ITFG1: variants seen among roughly 807,000 people sequenced by gnomAD.
ITFG1 encodes T-cell immunomodulatory protein.
Under a neutral mutation model 81.8 loss-of-function variants are expected in ITFG1, and 34 were observed. That is an observed-to-expected ratio of 0.42 (90% CI 0.32 to 0.55). ITFG1 has a LOEUF of 0.55. Among genes scored for constraint, ITFG1 ranks in the 20% least tolerant of loss-of-function variants. The pLI is 0.17. For missense variants in ITFG1, 672 were observed against 755.4 expected, an observed-to-expected ratio of 0.89 and a Z score of 1.29; for synonymous variants, 285 against 270.6, an observed-to-expected ratio of 1.05 and a Z score of -0.52.
At chr16:47,371,450 C>T (rs1968252775) in intron 7 of ITFG1, among the ~76,000 whole-genome samples, 1 of 152,166 alleles carries the variant, frequency 6.6e-6, no homozygotes, top group Admixed American at 6.5e-5. Context: ...AGTTAACCCA[C>T]ACCTGTTGAC....
At chr16:47,282,100 A>G (rs907277951) in intron 10 of ITFG1, among the ~76,000 whole-genome samples, 1 of 151,414 alleles carries the variant, frequency 6.6e-6, no homozygotes, top group African/African-American at 2.4e-5. Flanking sequence ...CCTCATGGGT[A>G]CAATATATCC....
chr16:47,296,727 C>T (rs530381317), intron 10 of ITFG1, among the ~76,000 whole-genome samples: 3 of 152,290 alleles, frequency 2.0e-5, no homozygotes, highest in Admixed American at 6.5e-5. Context: ...TGGGCCACCG[C>T]GCCTGGCTAT....
chr16:47,193,250 A>C (rs1965315105), intron 14 of ITFG1, among the ~76,000 whole-genome samples: 1 of 151,148 alleles, frequency 6.6e-6, no homozygotes, highest in Non-Finnish European at 1.5e-5. Context: ...CTAGGCCTGC[A>C]GAGGTTAAAA....
chr16:47,286,358 G>A (rs995599316), intron 10 of ITFG1, among the ~76,000 whole-genome samples: 3 of 152,130 alleles, frequency 2.0e-5, no homozygotes, highest in African/African-American at 7.2e-5. Flanking sequence ...AATTGCCAGA[G>A]GCTGGGCGCG....
chr16:47,433,792 T>C lies in ITFG1; in HGVS notation c.561-4894A>G, dbSNP rs1007259902. Among the ~76,000 whole-genome samples the C allele has an allele frequency of 1.6e-3, 218 of 135,622 alleles. 1 individual carries two copies. Among genetic ancestry groups the C allele is most frequent in the East Asian group, 4.7e-3 (23 of 4,866 alleles). 89.0% of individuals were successfully genotyped at this position (135,622 alleles called of 152,430 possible). Reference sequence around the variant, plus strand: ...CTGAATATATATATATATATATATATACACACACACACATACACACACGTA... The same window carrying C: ...CTGAATATATATATATATATATATACACACACACACACATACACACACGTA... On this transcript the variant is annotated intron_variant, in intron 5 of 17. Coordinates refer to ENST00000320640, the MANE Select transcript of ITFG1 (RefSeq NM_030790.5).
intron 14 of ITFG1, among the ~76,000 whole-genome samples, chr16:47,164,180 CT>C (rs77652330): frequency 5.1e-3 from 698 of 136,186 alleles, no homozygotes; most frequent in Middle Eastern, 0.011. Flanking sequence ...TGTTTAGTGA[CT>C]TTTTTTTTTT....
chr16:47,400,267 T>C (rs1262858851), intron 6 of ITFG1, among the ~76,000 whole-genome samples: 1 of 152,188 alleles, frequency 6.6e-6, no homozygotes, highest in African/African-American at 2.4e-5. Flanking sequence ...CTCAGGCCTG[T>C]AATTCCAGTG....
intron 8 of ITFG1, among the ~76,000 whole-genome samples, chr16:47,324,861 TTA>T (rs1491500663): frequency 6.6e-6 from 1 of 152,134 alleles, no homozygotes; most frequent in Admixed American, 6.6e-5. Flanking sequence ...ACGAAGAGAC[TTA>T]GACTCCCACA....
chr16:47,279,412 A>C lies in ITFG1; in HGVS notation c.1071-18717T>G, dbSNP rs925006124. Among the ~76,000 whole-genome samples the C allele has an allele frequency of 8.1e-4, 123 of 152,256 alleles. 1 individual carries two copies. Among genetic ancestry groups the C allele is most frequent in the African/African-American group, 2.8e-3 (116 of 41,536 alleles). On this transcript the variant is annotated intron_variant, in intron 10 of 17. Transcript: ENST00000320640. ...GACTATCTTTTCTCCATTGAAAAAGAGACTACACTTCTCTTAAACACCGTT... is the reference window on the plus strand; with the variant it reads ...GACTATCTTTTCTCCATTGAAAAAGCGACTACACTTCTCTTAAACACCGTT...
At chr16:47,198,296 T>C (rs990019810) in intron 14 of ITFG1, among the ~76,000 whole-genome samples, 1 of 152,154 alleles carries the variant, frequency 6.6e-6, no homozygotes. Flanking sequence ...ATGGACCACA[T>C]AAAAGATGGT....
intron 13 of ITFG1, among the ~76,000 whole-genome samples, chr16:47,226,013 T>C (rs1267487593): frequency 6.6e-6 from 1 of 152,192 alleles, no homozygotes; most frequent in African/African-American, 2.4e-5. Flanking sequence ...TATAAAACCA[T>C]CTTGTTGGTC....
Position 47,287,268 on chromosome 16 carries a change from G to A in ITFG1, c.1070+23972C>T, listed in dbSNP as rs188610073. On this transcript the variant is annotated intron_variant, in intron 10 of 17. Transcript: ENST00000320640. The stretch of plus-strand genomic sequence containing the variant: ...CATATAATTTTTTCTTAAATTAGAG[G>A]TGGGGATCTTGCTCTATTGCCCGGA... 3.3e-3 allele frequency among the ~76,000 whole-genome samples: 499 copies of A among 152,202 alleles called. 4 individuals carry two copies. Among genetic ancestry groups the A allele is most frequent in the Non-Finnish European group, 5.6e-3 (383 of 68,006 alleles).
At position 47,178,825 on chromosome 16, in the gene ITFG1, C is replaced by G. The variant is rs1030832057; in HGVS notation, c.1454-16161G>C. On this transcript the variant is annotated intron_variant, in intron 14 of 17. Transcript: ENST00000320640. ...TGGGAGAAAATTTTTACAATCTACCCATCTGACAAAGGGCTAATATCCAGA... is the reference window on the plus strand; with the variant it reads ...TGGGAGAAAATTTTTACAATCTACCGATCTGACAAAGGGCTAATATCCAGA... Among the ~76,000 whole-genome samples the G allele has an allele frequency of 3.8e-4, 58 of 152,260 alleles. 1 individual carries two copies. Among genetic ancestry groups the G allele is most frequent in the African/African-American group, 1.4e-3 (57 of 41,560 alleles).
chr16:47,237,933 G>A (rs986545155), intron 13 of ITFG1, 32 bp downstream of exon 13: 1 of 945,434 alleles, frequency 1.1e-6, no homozygotes, highest in South Asian at 1.5e-5. Context: ...AATTTTCATA[G>A]ACATATTTAT....
chr16:47,166,110 T>C (rs867205180), intron 14 of ITFG1, among the ~76,000 whole-genome samples: 33 of 152,296 alleles, frequency 2.2e-4, no homozygotes, highest in South Asian at 1.2e-3. Flanking sequence ...TTAAGACTGA[T>C]AGAACAGACT....
At chr16:47,325,507 A>T (rs1292405181) in intron 8 of ITFG1, among the ~76,000 whole-genome samples, 1 of 152,156 alleles carries the variant, frequency 6.6e-6, no homozygotes, top group Non-Finnish European at 1.5e-5. Context: ...GACACAAAAA[A>T]CCCTTCAAAA....
chr16:47,274,650 C>G (rs1050102146), intron 10 of ITFG1, among the ~76,000 whole-genome samples: 1 of 152,100 alleles, frequency 6.6e-6, no homozygotes, highest in African/African-American at 2.4e-5. Context: ...ATAATGGTAG[C>G]TTTAAAACTG....
At chr16:47,393,741 A>G (rs1452616035) in intron 6 of ITFG1, among the ~76,000 whole-genome samples, 2 of 151,940 alleles carry the variant, frequency 1.3e-5, no homozygotes, top group Non-Finnish European at 2.9e-5. Context: ...AAAAAAAAAA[A>G]GAAATTTTTT....
chr16:47,292,576 G>C (rs900128826), intron 10 of ITFG1, among the ~76,000 whole-genome samples: 1 of 152,104 alleles, frequency 6.6e-6, no homozygotes, highest in Non-Finnish European at 1.5e-5. Flanking sequence ...TTGCACAGTG[G>C]TAAAGTCTGG....
Sources: allele counts gnomAD v4.1 joint callset (sites outside exome capture counted in the v4.1 genomes callset), GRCh38; gene constraint gnomAD v4.1.1; transcripts MANE v1.5; gene names NCBI Gene and HGNC (gene_info 2026-07-23, HGNC 2026-07-21).